Variants in ARFGEF1 observed in about 807,000 individuals in gnomAD.
The protein encoded by ARFGEF1 is brefeldin A-inhibited guanine nucleotide-exchange protein 1.
In ARFGEF1, 42 loss-of-function variants were observed where a neutral mutation model predicts 231.0. That is an observed-to-expected ratio of 0.18 (90% CI 0.14 to 0.24). The LOEUF (loss-of-function observed/expected upper bound fraction) is 0.24, where lower values mean the gene tolerates loss of function less well. Ranked by LOEUF, ARFGEF1 falls within the 10% of genes least tolerant of loss-of-function variation. The probability of loss-of-function intolerance (pLI) is 1.00; values close to 1 mark genes in which losing one functional copy is unlikely to be tolerated. For synonymous variants in ARFGEF1, 710 were observed against 732.3 expected, an observed-to-expected ratio of 0.97 and a Z score of 0.49; for missense variants, 1,345 against 2,192.0, an observed-to-expected ratio of 0.61 and a Z score of 7.72.
At chr8:67,245,268 A>C (rs1302080762) in intron 19 of ARFGEF1, among the ~76,000 whole-genome samples, 1 of 150,650 alleles carries the variant, frequency 6.6e-6, no homozygotes, top group Non-Finnish European at 1.5e-5. Flanking sequence ...AGTAAGAAGA[A>C]ATCATCTAAA....
At chr8:67,241,560 TA>T (rs1839929541) in intron 19 of ARFGEF1, among the ~76,000 whole-genome samples, 1 of 152,208 alleles carries the variant, frequency 6.6e-6, no homozygotes, top group Non-Finnish European at 1.5e-5. Context: ...AGGCAATAGT[TA>T]AACTGTGCAC....
At chr8:67,216,497 G>T in intron 33 of ARFGEF1, 93 bp downstream of exon 33, 2 of 1,141,820 alleles carry the variant, frequency 1.8e-6, no homozygotes, top group Non-Finnish European at 2.5e-6. Context: ...TAGCAGGAAT[G>T]GATTAAGACA....
chr8:67,287,689 C>T (rs747119252), intron 7 of ARFGEF1, among the ~76,000 whole-genome samples: 25 of 152,176 alleles, frequency 1.6e-4, no homozygotes, highest in Non-Finnish European at 3.1e-4. Context: ...GAATACTGTG[C>T]TGGTATCCTA....
At chr8:67,214,390 G>T (rs1458047532) in intron 33 of ARFGEF1, among the ~76,000 whole-genome samples, 1 of 152,146 alleles carries the variant, frequency 6.6e-6, no homozygotes, top group Non-Finnish European at 1.5e-5. Context: ...CTGAAGGTGT[G>T]GCCTGGTTTA....
chr8:67,246,417 T>C (rs1241490383), intron 19 of ARFGEF1, among the ~76,000 whole-genome samples: 1 of 150,188 alleles, frequency 6.7e-6, no homozygotes, highest in African/African-American at 2.5e-5. Flanking sequence ...CTCTTTCTGG[T>C]ACAACGGAAT....
intron 19 of ARFGEF1, among the ~76,000 whole-genome samples, chr8:67,249,542 C>T (rs1184675775): frequency 2.0e-5 from 3 of 150,540 alleles, no homozygotes; most frequent in East Asian, 1.9e-4. Flanking sequence ...GAAGGAAAGG[C>T]ATAGAATATT....
At chr8:67,331,779 A>G (rs1808111900) in intron 1 of ARFGEF1, among the ~76,000 whole-genome samples, 1 of 152,204 alleles carries the variant, frequency 6.6e-6, no homozygotes, top group Non-Finnish European at 1.5e-5. Flanking sequence ...AACACTGATC[A>G]AAACCAATAA....
At position 67,217,792 on chromosome 8, in the gene ARFGEF1, T is replaced by C. The variant is rs1351481157; in HGVS notation, c.4603A>G (p.Ile1535Val). 7 of 1,613,760 alleles carry C rather than the reference T, an allele frequency of 4.3e-6. No homozygotes were observed. The highest frequency in any genetic ancestry group is 5.1e-6 in the Non-Finnish European group (6 of 1,179,820). ...ATAAAATCTTCTTACGCATGTGGGATTGTGGTTTTGAAGATATCCAGTGTG... is the reference window on the plus strand; with the variant it reads ...ATAAAATCTTCTTACGCATGTGGGACTGTGGTTTTGAAGATATCCAGTGTG... The part of the protein sequence containing the change: ...NCTLDIFKTT[I>V]PHALLTWRPN... The change falls in exon 32 of 39, where the codon ATC (isoleucine) becomes GTC (valine). Residue 1535 changes from isoleucine (I) to valine (V), a missense_variant. By Grantham distance (29) the Ile-to-Val change is conservative. Around this residue, in one of 14 missense-constraint regions of ARFGEF1, gnomAD observed 54 missense variants for 86.5 expected, o/e 0.62. Transcript: ENST00000262215.
intron 29 of ARFGEF1, among the ~76,000 whole-genome samples, chr8:67,222,182 CATATATATATAT>C (rs60905220): frequency 8.5e-6 from 1 of 117,740 alleles, no homozygotes; most frequent in Non-Finnish European, 1.6e-5. Context: ...TATATATACA[CATATATATATAT>C]ATATATATAT....
chr8:67,253,872 G>A (rs751727039), intron 17 of ARFGEF1, among the ~76,000 whole-genome samples: 6 of 152,136 alleles, frequency 3.9e-5, no homozygotes, highest in Non-Finnish European at 7.4e-5. Flanking sequence ...CAGAAAGGAG[G>A]GAAGTTGAAC....
intron 1 of ARFGEF1, among the ~76,000 whole-genome samples, chr8:67,336,320 T>C (rs1293642719): frequency 3.3e-5 from 5 of 152,218 alleles, no homozygotes; most frequent in African/African-American, 2.4e-5. Flanking sequence ...TGTGTAAACA[T>C]ATGTACAGTA....
At chr8:67,277,741 T>G (rs1323877366) in intron 7 of ARFGEF1, among the ~76,000 whole-genome samples, 1 of 152,198 alleles carries the variant, frequency 6.6e-6, no homozygotes, top group Non-Finnish European at 1.5e-5. Context: ...ATATTAGCAT[T>G]TACTGAACTG....
In ARFGEF1 at chr8:67,227,526, A is replaced by G. The variant is rs1333449539; in HGVS notation, c.3664T>C (p.Leu1222=). ...AAGTTAGCAAGCTCCCCTTTCTCTA[A>G]GAACTTCATTGACAACTGCCTCAAG... ...DSLRQLSMKF[L]EKGELANFRF... The change falls in exon 26 of 39, where the codon TTA becomes CTA. Residue 1222 remains leucine, a synonymous_variant. Transcript: ENST00000262215. 6.2e-7 allele frequency: 1 copy of G among 1,613,120 alleles called. No individual in the cohort carries two copies. Among genetic ancestry groups the G allele is most frequent in the Admixed American group, 1.7e-5 (1 of 59,966 alleles).
chr8:67,291,607 G>A (rs958142822), intron 6 of ARFGEF1, among the ~76,000 whole-genome samples: 19 of 151,944 alleles, frequency 1.3e-4, no homozygotes, highest in African/African-American at 4.3e-4. Context: ...CGCTCCAAAG[G>A]AAATCTATAA....
At chr8:67,259,075 G>T (rs77351648) in intron 15 of ARFGEF1, among the ~76,000 whole-genome samples, 12,651 of 152,118 alleles carry the variant, frequency 0.083, 1,063 homozygotes, top group African/African-American at 0.22. Context: ...AAGAAAAAAA[G>T]TTCGTACATG....
At chr8:67,179,498 A>C (rs944532470) in intron 5 of ARFGEF1, among the ~76,000 whole-genome samples, 1 of 152,134 alleles carries the variant, frequency 6.6e-6, no homozygotes, top group Non-Finnish European at 1.5e-5. Context: ...TTAAAGACTT[A>C]ATGTTTAATT....
intron 7 of ARFGEF1, 37 bp downstream of exon 7, chr8:67,287,918 T>C (rs755038599): frequency 3.2e-5 from 46 of 1,433,724 alleles, no homozygotes; most frequent in East Asian, 4.9e-5. Flanking sequence ...TGAAATCCCA[T>C]AGACAGAGTA....
At chr8:67,277,021 T>C (rs968147490) in intron 8 of ARFGEF1, among the ~76,000 whole-genome samples, 7 of 152,116 alleles carry the variant, frequency 4.6e-5, no homozygotes, top group Non-Finnish European at 8.8e-5. Flanking sequence ...GTTAATTCAA[T>C]TGGTAGATGG....
chr8:67,230,661 C>A (rs1222706773), intron 23 of ARFGEF1, among the ~76,000 whole-genome samples: 4 of 151,938 alleles, frequency 2.6e-5, no homozygotes, highest in Admixed American at 6.6e-5. Context: ...TATAAAAAAA[C>A]CATAAAGAGA....
Sources: gnomAD v4.1 joint callset for allele counts (sites outside exome capture counted in the v4.1 genomes callset) on GRCh38, gnomAD v4.1.1 for gene constraint, gnomAD v4.1.1 regional missense constraint, MANE v1.5 for transcripts, NCBI Gene and HGNC (gene_info 2026-07-23, HGNC 2026-07-21) for gene names.